Variants in SWAP70 observed in about 807,000 individuals in gnomAD.
The protein encoded by SWAP70 is switch-associated protein 70.
In SWAP70, 34 loss-of-function variants were observed where a neutral mutation model predicts 80.2. The ratio of observed to expected loss-of-function variants is 0.42; its 90% CI spans 0.32 to 0.56. SWAP70 has a LOEUF of 0.56. Ranked by LOEUF, SWAP70 falls within the 20% of genes least tolerant of loss-of-function variation. The probability of loss-of-function intolerance (pLI) is 0.09; values close to 1 mark genes in which losing one functional copy is unlikely to be tolerated. For missense variants in SWAP70, 578 were observed against 690.7 expected, an observed-to-expected ratio of 0.84 and a Z score of 1.83; for synonymous variants, 239 against 238.5, an observed-to-expected ratio of 1.00 and a Z score of -0.02.
At chr11:9,716,911 C>G in intron 3 of SWAP70, among the ~76,000 whole-genome samples, 1 of 152,082 alleles carries the variant, frequency 6.6e-6, no homozygotes, top group East Asian at 1.9e-4. Flanking sequence ...GTCGATTTGG[C>G]AAAGGAAGCT....
intron 7 of SWAP70, among the ~76,000 whole-genome samples, chr11:9,736,341 A>G (rs1298511087): frequency 2.0e-5 from 3 of 151,898 alleles, no homozygotes; most frequent in Non-Finnish European, 4.4e-5. Flanking sequence ...TGCTAAATCC[A>G]CCATCTGGGC....
intron 1 of SWAP70, among the ~76,000 whole-genome samples, chr11:9,666,522 T>A (rs966123353): frequency 6.6e-6 from 1 of 152,168 alleles, no homozygotes; most frequent in African/African-American, 2.4e-5. Context: ...TTAAGGAGAA[T>A]GTAGAAAACT....
chr11:9,742,577 C>T (rs890860577), intron 9 of SWAP70, among the ~76,000 whole-genome samples: 6 of 152,128 alleles, frequency 3.9e-5, no homozygotes, highest in South Asian at 2.1e-4. Flanking sequence ...CCTTGTGATC[C>T]GCCTGTCTCG....
At chr11:9,677,818 A>G (rs985195889) in intron 1 of SWAP70, among the ~76,000 whole-genome samples, 7 of 97,452 alleles carry the variant, frequency 7.2e-5, no homozygotes, top group African/African-American at 2.8e-4. Flanking sequence ...AATGAAAAAA[A>G]TTTTGATGAA....
At chr11:9,730,307 G>A (rs1851280363) in intron 6 of SWAP70, among the ~76,000 whole-genome samples, 4 of 145,844 alleles carry the variant, frequency 2.7e-5, no homozygotes, top group Admixed American at 6.9e-5. Context: ...TGGCTAACAC[G>A]GTGAAACCCC....
rs1018407888 is a variant in SWAP70 at position 9,752,384 on chromosome 11, G to C, written c.*2414G>C. ...TCTGGTCACATGTGGACCTTGATAC[G>C]ACTAAGCGGTTACATATGTGGTTGT... On this transcript the variant is annotated 3_prime_UTR_variant, in exon 12 of 12. Coordinates refer to ENST00000318950, the MANE Select transcript of SWAP70 (RefSeq NM_015055.4). 1 of 152,218 alleles carries C rather than the reference G, an allele frequency of 6.6e-6. No individual in the cohort carries two copies. Among genetic ancestry groups the C allele is most frequent in the Non-Finnish European group, 1.5e-5 (1 of 68,038 alleles). The allele number at this position is 152,218 out of a possible 1,614,324, so 9.4% of individuals were successfully genotyped here. A position where few individuals can be genotyped will look rare whatever the true frequency, so the allele number is the denominator to read the frequency against.
At chr11:9,672,193 G>GTTTATATATATATA (rs1427255406) in intron 1 of SWAP70, among the ~76,000 whole-genome samples, 1 of 18,896 alleles carries the variant, frequency 5.3e-5, no homozygotes, top group Non-Finnish European at 1.2e-4. Flanking sequence ...ATATGTGTGT[G>GTTTATATATATATA]TCTATATATA....
At chr11:9,681,675 A>G (rs1850570173) in intron 1 of SWAP70, among the ~76,000 whole-genome samples, 1 of 152,150 alleles carries the variant, frequency 6.6e-6, no homozygotes, top group Non-Finnish European at 1.5e-5. Flanking sequence ...AGAGCTTAAA[A>G]TCTTGTGAGT....
Position 9,706,547 on chromosome 11 carries a change from T to C in SWAP70, c.241-6919T>C, listed in dbSNP as rs1169190067. ...CATCAGTAATGTTGCCTCAACCTCT[T>C]TGCTCTTCTCTTTTGTCATTTCCCT... On this transcript the variant is annotated intron_variant, in intron 2 of 11. Transcript: ENST00000318950. 4.6e-5 allele frequency among the ~76,000 whole-genome samples: 7 copies of C among 152,328 alleles called. No homozygotes were observed. The South Asian group carries it at 1.5e-3, about 32-fold the overall frequency.
Position 9,751,608 on chromosome 11 carries a change from A to C in SWAP70, c.*1638A>C, listed in dbSNP as rs1169058049. The C allele has an allele frequency of 6.6e-6, 1 of 152,260 alleles. No individual in the cohort carries two copies. Among genetic ancestry groups the C allele is most frequent in the Admixed American group, 6.5e-5 (1 of 15,290 alleles). The allele number at this position is 152,260 out of a possible 1,614,324, so 9.4% of individuals were successfully genotyped here. ...TCTTATGCTAGTGCTTGCTGAGTGCATACTAAGAAAGCAATTCCAAATAGA... is the reference window on the plus strand; with the variant it reads ...TCTTATGCTAGTGCTTGCTGAGTGCCTACTAAGAAAGCAATTCCAAATAGA... On this transcript the variant is annotated 3_prime_UTR_variant, in exon 12 of 12. Coordinates refer to ENST00000318950, the MANE Select transcript of SWAP70 (RefSeq NM_015055.4).
At chr11:9,673,425 CATTA>C (rs1850445590) in intron 1 of SWAP70, among the ~76,000 whole-genome samples, 1 of 152,168 alleles carries the variant, frequency 6.6e-6, no homozygotes, top group South Asian at 2.1e-4. Context: ...AATGAGTTCT[CATTA>C]ACCTTCCTTT....
chr11:9,740,245 G>T lies in SWAP70; in HGVS notation c.1253G>T (p.Arg418Leu). 2 of 1,614,178 alleles carry T rather than the reference G, an allele frequency of 1.2e-6. No homozygotes were observed. The highest frequency in any genetic ancestry group is 1.1e-5 in the South Asian group (1 of 91,076). ...KSSELEQYLQ[R>L]VRELEDMYLK... ...TCTGAACTGGAACAGTATTTACAGC[G>T]AGTACGGGAGCTGGAAGACATGTAC... The change falls in exon 9 of 12, where the codon CGA becomes CTA. Residue 418 changes from arginine to leucine, a missense_variant. By Grantham distance (102) the Arg-to-Leu change is moderately radical. Transcript: ENST00000318950.
intron 9 of SWAP70, among the ~76,000 whole-genome samples, chr11:9,742,243 T>C (rs1851450063): frequency 6.6e-6 from 1 of 152,202 alleles, no homozygotes; most frequent in African/African-American, 2.4e-5. Context: ...TTTTTCTTAA[T>C]GTGCAAAGGG....
intron 7 of SWAP70, among the ~76,000 whole-genome samples, chr11:9,733,446 T>C (rs977272833): frequency 6.6e-6 from 1 of 152,208 alleles, no homozygotes; most frequent in Non-Finnish European, 1.5e-5. Flanking sequence ...TGACTCTACA[T>C]ACCTAGTGGG....
chr11:9,672,795 TA>T (rs1196795511), intron 1 of SWAP70, among the ~76,000 whole-genome samples: 1 of 152,136 alleles, frequency 6.6e-6, no homozygotes, highest in African/African-American at 2.4e-5. Context: ...AAAGCTTATT[TA>T]TATACCTAAT....
intron 1 of SWAP70, among the ~76,000 whole-genome samples, chr11:9,692,097 TG>T (rs1309871852): frequency 2.0e-5 from 3 of 152,070 alleles, no homozygotes; most frequent in Non-Finnish European, 4.4e-5. Flanking sequence ...CATGGTACAT[TG>T]CTGTGGAATA....
At chr11:9,726,258 G>A (rs1409795767) in intron 4 of SWAP70, among the ~76,000 whole-genome samples, 3 of 152,162 alleles carry the variant, frequency 2.0e-5, no homozygotes, top group Non-Finnish European at 2.9e-5. Context: ...AGCAGATGAA[G>A]CTCGATGCTT....
chr11:9,747,250 C>T (rs1403036301), intron 9 of SWAP70, among the ~76,000 whole-genome samples: 1 of 152,214 alleles, frequency 6.6e-6, no homozygotes, highest in Non-Finnish European at 1.5e-5. Flanking sequence ...AATGTAGGGA[C>T]AATACCTTTC....
At chr11:9,734,156 A>G (rs947585690) in intron 7 of SWAP70, among the ~76,000 whole-genome samples, 17 of 152,196 alleles carry the variant, frequency 1.1e-4, no homozygotes, top group African/African-American at 3.6e-4. Flanking sequence ...GAGCTCAAAA[A>G]GTTTTGGATT....
Sources: gnomAD v4.1 joint callset for allele counts (sites outside exome capture counted in the v4.1 genomes callset) on GRCh38, gnomAD v4.1.1 for gene constraint, MANE v1.5 for transcripts, NCBI Gene and HGNC (gene_info 2026-07-23, HGNC 2026-07-21) for gene names.